The following LRP2 variants were observed in gnomAD, a reference collection of about 807,000 sequenced individuals.
The protein encoded by LRP2 is LDL receptor related protein 2, also known as low-density lipoprotein receptor-related protein 2.
A neutral mutation model predicts 531.0 loss-of-function variants in LRP2; 172 were observed. The observed-to-expected ratio is 0.32, with a 90% CI of 0.29 to 0.37. The LOEUF (loss-of-function observed/expected upper bound fraction) is 0.37. Ranked by LOEUF, LRP2 falls within the 10% of genes least tolerant of loss-of-function variation. The probability of loss-of-function intolerance (pLI) is 1.00; values close to 1 mark genes in which losing one functional copy is unlikely to be tolerated. For missense variants in LRP2, 5,167 were observed against 5,868.3 expected, an observed-to-expected ratio of 0.88 and a Z score of 3.90; for synonymous variants, 1,992 against 2,027.6, an observed-to-expected ratio of 0.98 and a Z score of 0.47.
At chr2:169,259,002 T>C in intron 17 of LRP2, 23 bp downstream of exon 17, 1 of 1,610,222 alleles carries the variant, frequency 6.2e-7, no homozygotes, top group Non-Finnish European at 8.5e-7. Context: ...TTCAAGCTCT[T>C]AGGAAAACAT....
chr2:169,266,169 T>C (rs562616753), intron 16 of LRP2, among the ~76,000 whole-genome samples: 3 of 151,892 alleles, frequency 2.0e-5, no homozygotes, highest in Non-Finnish European at 4.4e-5. Context: ...ATCTAGCTTT[T>C]TAAGGAGAAT....
chr2:169,322,430 C>A (rs1684933259), intron 1 of LRP2, among the ~76,000 whole-genome samples: 1 of 152,098 alleles, frequency 6.6e-6, no homozygotes. Flanking sequence ...ACCCAAATAC[C>A]TTCTATAGAC....
chr2:169,169,005 A>C (rs1686893023), intron 60 of LRP2, among the ~76,000 whole-genome samples: 1 of 152,164 alleles, frequency 6.6e-6, no homozygotes, highest in Non-Finnish European at 1.5e-5. Context: ...ACCATCATGG[A>C]TGGTTATCAT....
At chr2:169,284,353 C>T (rs940021003) in intron 9 of LRP2, among the ~76,000 whole-genome samples, 2 of 149,320 alleles carry the variant, frequency 1.3e-5, no homozygotes, top group Admixed American at 6.7e-5. Context: ...CAACCTCCGC[C>T]TCCCGGGTTC....
Position 169,173,974 on chromosome 2 carries a change from C to A in LRP2, c.10959G>T (p.Lys3653Asn). ...ANGRCIPQAWKCDVDNDCGDH... is the reference protein window; with the variant it reads ...ANGRCIPQAWNCDVDNDCGDH... ...CTCCACAATCATTATCCACATCACA[C>A]TTCCAGGCCTGCGGGATGCAGCGGC... Residue 3653 changes from lysine to asparagine, a missense_variant, in exon 56 of 79, where the codon AAG (lysine) becomes AAT (asparagine). This residue lies in a region of LRP2 where 311 missense variants were observed against 309.4 expected (regional missense o/e 1.01). Coordinates refer to ENST00000649046, the MANE Select transcript of LRP2 (RefSeq NM_004525.3). 1 of 1,614,240 alleles carries A rather than the reference C, an allele frequency of 6.2e-7. No individual in the cohort carries two copies. Among genetic ancestry groups the A allele is most frequent in the Non-Finnish European group, 8.5e-7 (1 of 1,180,046 alleles).
chr2:169,275,400 T>C, intron 13 of LRP2, 162 bp from the exon 14 acceptor site: 1 of 643,020 alleles, frequency 1.6e-6, no homozygotes, highest in Non-Finnish European at 2.7e-6. Flanking sequence ...CATATTTCCA[T>C]CTACATATGA....
At chr2:169,139,939 T>C (rs1685659045) in intron 72 of LRP2, among the ~76,000 whole-genome samples, 1 of 152,218 alleles carries the variant, frequency 6.6e-6, no homozygotes, top group South Asian at 2.1e-4. Context: ...TTTTATATGC[T>C]TTCATTAAAT....
At chr2:169,264,248 A>T in intron 16 of LRP2, among the ~76,000 whole-genome samples, 1 of 151,864 alleles carries the variant, frequency 6.6e-6, no homozygotes, top group Non-Finnish European at 1.5e-5. Context: ...GTATAATAAT[A>T]AATAAATAAA....
At chr2:169,247,606 C>A in intron 19 of LRP2, 91 bp from the exon 20 acceptor site, 2 of 1,353,892 alleles carry the variant, frequency 1.5e-6, no homozygotes, top group East Asian at 4.6e-5. Flanking sequence ...TGAAATGCTT[C>A]TTGCAAGTAC....
rs2105516337 is a variant in LRP2 at position 169,320,868 on chromosome 2, A to C, written c.96T>G (p.His32Gln). ...TGCAATGCCCACTTCCACAGCGAAA[A>C]TGCGCACTGTCACATTCTGCAATAA... Reference protein sequence around the residue: ...PASGQECDSAHFRCGSGHCIP... With the variant: ...PASGQECDSAQFRCGSGHCIP... Residue 32 changes from histidine (H) to glutamine (Q), a missense_variant, in exon 2 of 79, where the codon CAT becomes CAG. By Grantham distance (24) the His-to-Gln change is conservative (BLOSUM62 0). Transcript: ENST00000649046. The C allele has an allele frequency of 6.2e-7, 1 of 1,613,528 alleles. No homozygotes were observed. The highest frequency in any genetic ancestry group is 8.5e-7 in the Non-Finnish European group (1 of 1,179,438).
At chr2:169,323,525 C>T (rs545564223) in intron 1 of LRP2, among the ~76,000 whole-genome samples, 2 of 151,960 alleles carry the variant, frequency 1.3e-5, no homozygotes, top group Admixed American at 6.6e-5. Flanking sequence ...AGTCTATATG[C>T]AATTTATTTT....
chr2:169,220,603 G>A lies in LRP2; in HGVS notation c.5539-40C>T, dbSNP rs1347176622. The A allele has an allele frequency of 2.9e-6, 4 of 1,388,876 alleles. No individual in the cohort carries two copies. In the Admixed American group the frequency reaches 5.4e-5, roughly 19 times the overall value. The allele number at this position is 1,388,876 out of a possible 1,614,324, so 86.0% of individuals were successfully genotyped here. ...CACTTATTAGAACTGACTTTCATAA[G>A]GGGAACCAAAGGAAACTGAGATGAA... On this transcript the variant is annotated intron_variant, in intron 33 of 78. Transcript: ENST00000649046.
In LRP2 at chr2:169,239,579, C is replaced by T. The variant is rs772982398; in HGVS notation, c.4242G>A (p.Ser1414=). 37 of 1,614,058 alleles carry T rather than the reference C, an allele frequency of 2.3e-5. No homozygotes were observed. Among genetic ancestry groups the T allele is most frequent in the Non-Finnish European group, 2.5e-5 (29 of 1,179,942 alleles). The change falls in exon 26 of 79, where the codon TCG becomes TCA. Residue 1414 remains serine (S), a synonymous_variant. Transcript: ENST00000649046. The part of the protein sequence containing the change: ...CYNMRGSFRC[S]CDTGYMLESD... ...TTTCTAACATGTAGCCTGTATCACA[C>T]GAGCACCGGAAAGAACCTCTCATAT... is the stretch of plus-strand genomic sequence containing the variant.
At chr2:169,175,132 T>G (rs1040892369) in intron 55 of LRP2, 61 bp downstream of exon 55, 3 of 1,530,222 alleles carry the variant, frequency 2.0e-6, no homozygotes, top group African/African-American at 2.7e-5. Flanking sequence ...ACCCACAGAA[T>G]CATGATCGTA....
intron 1 of LRP2, among the ~76,000 whole-genome samples, chr2:169,344,585 A>T (rs565566110): frequency 6.6e-6 from 1 of 152,338 alleles, no homozygotes; most frequent in South Asian, 2.1e-4. Context: ...AATTCCCTCT[A>T]AATAGAGCAT....
At position 169,231,948 on chromosome 2, in the gene LRP2, G is replaced by C. The variant is rs185320526; in HGVS notation, c.5099-106C>G. 66 of 1,363,220 alleles carry C rather than the reference G, an allele frequency of 4.8e-5. No homozygotes were observed. The African/African-American group carries it at 8.6e-4, about 18-fold the overall frequency. The allele number at this position is 1,363,220 out of a possible 1,614,324, so 84.4% of individuals were successfully genotyped here. A position where few individuals can be genotyped will look rare whatever the true frequency, so the allele number is the denominator to read the frequency against. On this transcript the variant is annotated intron_variant, in intron 30 of 78. Transcript: ENST00000649046. ...CTTCCAGAGGCCCCAGTACAGGGGG[G>C]CTTAAGTACGTTGTTACCTCTGTTG...
chr2:169,283,209 A>G (rs540541547), intron 9 of LRP2, among the ~76,000 whole-genome samples: 1 of 152,318 alleles, frequency 6.6e-6, no homozygotes. Flanking sequence ...TTAAACCTAC[A>G]TGAAGGATAA....
rs376136995 is a variant in LRP2, at chr2:169,362,314, C to T, written c.79+7G>A. 1,294 of 1,556,562 alleles carry T rather than the reference C, an allele frequency of 8.3e-4. 12 individuals carry two copies. The African/African-American group carries it at 0.015, about 19-fold the overall frequency. ...GGCTCCACGAGAGGCTCTGGCTGGGCTCTTACCTTGGCCACTGGCCGGCGC... is the reference window on the plus strand; with the variant it reads ...GGCTCCACGAGAGGCTCTGGCTGGGTTCTTACCTTGGCCACTGGCCGGCGC... On this transcript the variant is annotated splice_region_variant and intron_variant, in intron 1 of 78. Coordinates refer to ENST00000649046, the MANE Select transcript of LRP2 (RefSeq NM_004525.3).
intron 70 of LRP2, among the ~76,000 whole-genome samples, chr2:169,145,357 C>T (rs1289925192): frequency 6.6e-6 from 1 of 152,170 alleles, no homozygotes; most frequent in Non-Finnish European, 1.5e-5. Context: ...ACTAGCCTAG[C>T]CTTGCAATGG....
Sources: allele counts gnomAD v4.1 joint callset (sites outside exome capture counted in the v4.1 genomes callset), GRCh38; gene constraint gnomAD v4.1.1; regional missense constraint gnomAD v4.1.1; transcripts MANE v1.5; gene names NCBI Gene and HGNC (gene_info 2026-07-23, HGNC 2026-07-21).